TTLL7: variants seen among roughly 807,000 people sequenced by gnomAD.
TTLL7 encodes tubulin polyglutamylase TTLL7.
A neutral mutation model predicts 120.2 loss-of-function variants in TTLL7; 53 were observed. That is an observed-to-expected ratio of 0.44 (90% CI 0.35 to 0.55). TTLL7 has a LOEUF of 0.55. Among genes scored for constraint, TTLL7 ranks in the 20% least tolerant of loss-of-function variants. TTLL7 has a pLI of 0.00. For missense variants in TTLL7, 803 were observed against 1,054.7 expected (o/e 0.76, Z 3.31); for synonymous variants, 353 against 351.7 (o/e 1.00, Z -0.04).
At position 83,940,303 on chromosome 1, in the gene TTLL7, A is replaced by C. The variant is rs560929449; in HGVS notation, c.723+2160T>G. 1.6e-4 allele frequency among the ~76,000 whole-genome samples: 25 copies of C among 152,252 alleles called. No homozygotes were observed. In the East Asian group the frequency reaches 4.0e-3, roughly 25 times the overall value. ...TATAAAAAGATCACTCCCACCTTACATATATATAATCCACTCTTACCCATG... is the reference window on the plus strand; with the variant it reads ...TATAAAAAGATCACTCCCACCTTACCTATATATAATCCACTCTTACCCATG... On this transcript the variant is annotated intron_variant, in intron 7 of 20. Coordinates refer to ENST00000260505, the MANE Select transcript of TTLL7 (RefSeq NM_024686.6).
chr1:83,904,847 AT>A (rs1178113769), intron 17 of TTLL7, among the ~76,000 whole-genome samples: 10 of 152,102 alleles, frequency 6.6e-5, no homozygotes, highest in African/African-American at 2.2e-4. Flanking sequence ...AAACTTCTGA[AT>A]ATATAGTCTT....
rs1419765631 is a variant in TTLL7, at chr1:83,869,608, T to G, written c.*354A>C. ...TAACACTGTAATTGGATCTTCAAGA[T>G]CAATTTGTTTTATATACTCTGCAGC... On this transcript the variant is annotated 3_prime_UTR_variant, in exon 21 of 21. Coordinates refer to ENST00000260505, the MANE Select transcript of TTLL7 (RefSeq NM_024686.6). 2 of 156,618 alleles carry G rather than the reference T, an allele frequency of 1.3e-5. No individual in the cohort carries two copies. The highest frequency in any genetic ancestry group is 6.5e-5 in the Admixed American group (1 of 15,328). The allele number at this position is 156,618 out of a possible 1,614,324, so 9.7% of individuals were successfully genotyped here.
At chr1:83,877,537 ACTTT>A (rs1048426641) in intron 20 of TTLL7, among the ~76,000 whole-genome samples, 44 of 151,930 alleles carry the variant, frequency 2.9e-4, no homozygotes, top group African/African-American at 1.0e-3. Flanking sequence ...ACTATTTAGG[ACTTT>A]CTATTTCTTC....
At chr1:83,906,976 G>A (rs1301465238) in intron 16 of TTLL7, among the ~76,000 whole-genome samples, 1 of 151,740 alleles carries the variant, frequency 6.6e-6, no homozygotes, top group Non-Finnish European at 1.5e-5. Context: ...CAAATCTCTG[G>A]GATTCATGCT....
chr1:83,976,866 G>A (rs116828257), intron 1 of TTLL7, among the ~76,000 whole-genome samples: 6,259 of 150,858 alleles, frequency 0.041, 156 homozygotes, highest in Middle Eastern at 0.099. Flanking sequence ...AATGGTAATG[G>A]AAAAAAATTT....
intron 1 of TTLL7, among the ~76,000 whole-genome samples, chr1:83,985,805 A>G (rs1652388584): frequency 1.3e-5 from 2 of 152,196 alleles, no homozygotes; most frequent in African/African-American, 4.8e-5. Flanking sequence ...GAATTCAACA[A>G]CTTAGCAAAA....
chr1:83,992,921 ACTGTC>A (rs1211255615), intron 1 of TTLL7, among the ~76,000 whole-genome samples: 1 of 150,538 alleles, frequency 6.6e-6, no homozygotes, highest in Admixed American at 6.7e-5. Flanking sequence ...TGCTAAAATT[ACTGTC>A]CTGATTTTCA....
intron 1 of TTLL7, among the ~76,000 whole-genome samples, chr1:83,983,029 G>A (rs914476442): frequency 3.3e-5 from 5 of 151,946 alleles, no homozygotes; most frequent in Non-Finnish European, 5.9e-5. Context: ...TGACAAAGTC[G>A]ACAAAAATAA....
At chr1:83,911,801 G>A (rs1310088493) in intron 14 of TTLL7, among the ~76,000 whole-genome samples, 3 of 151,666 alleles carry the variant, frequency 2.0e-5, no homozygotes, top group African/African-American at 4.8e-5. Context: ...GCATGTGCAC[G>A]TGCAAGTGCA....
intron 18 of TTLL7, among the ~76,000 whole-genome samples, chr1:83,894,715 T>TCAG (rs1390637848): frequency 6.6e-6 from 1 of 152,106 alleles, no homozygotes; most frequent in Admixed American, 6.6e-5. Context: ...GCAGGCATCA[T>TCAG]GGCACCCCAT....
intron 1 of TTLL7, among the ~76,000 whole-genome samples, chr1:83,967,983 C>G (rs557447072): frequency 6.6e-6 from 1 of 151,960 alleles, no homozygotes; most frequent in Non-Finnish European, 1.5e-5. Context: ...GGGGTAAGAA[C>G]AGTCGGGATG....
chr1:83,944,428 C>G (rs1333744468), intron 6 of TTLL7, among the ~76,000 whole-genome samples: 3 of 152,094 alleles, frequency 2.0e-5, no homozygotes, highest in Non-Finnish European at 4.4e-5. Context: ...AAGTTCTGGC[C>G]GGGCACAGTG....
intron 18 of TTLL7, among the ~76,000 whole-genome samples, chr1:83,901,579 A>G (rs1042016744): frequency 2.6e-5 from 4 of 152,024 alleles, no homozygotes; most frequent in African/African-American, 4.8e-5. Flanking sequence ...TAAAAATTCC[A>G]TATTTCCATT....
At chr1:83,949,816 T>A in intron 4 of TTLL7, 49 bp downstream of exon 4, 1 of 1,599,644 alleles carries the variant, frequency 6.3e-7, no homozygotes, top group African/African-American at 1.3e-5. Flanking sequence ...TTATGTGGAA[T>A]CCATATAACT....
At chr1:83,955,331 G>C (rs546938854) in intron 1 of TTLL7, among the ~76,000 whole-genome samples, 8 of 152,102 alleles carry the variant, frequency 5.3e-5, no homozygotes, top group Non-Finnish European at 8.8e-5. Context: ...GTGTGCTATG[G>C]TTTGAATATT....
chr1:83,956,915 C>A (rs559495264), intron 1 of TTLL7, among the ~76,000 whole-genome samples: 3 of 152,002 alleles, frequency 2.0e-5, no homozygotes, highest in Non-Finnish European at 4.4e-5. Flanking sequence ...ATATGTATTA[C>A]CTGTTCAAAA....
chr1:83,896,549 T>C (rs1399180541), intron 18 of TTLL7, among the ~76,000 whole-genome samples: 1 of 152,068 alleles, frequency 6.6e-6, no homozygotes, highest in Non-Finnish European at 1.5e-5. Context: ...GCAGCAGCGA[T>C]GGCTATAGGG....
At chr1:83,915,128 AAAC>A (rs1658025838) in intron 14 of TTLL7, among the ~76,000 whole-genome samples, 1 of 152,206 alleles carries the variant, frequency 6.6e-6, no homozygotes, top group Admixed American at 6.5e-5. Context: ...AAGGAGCCTC[AAAC>A]AACAAGTCAA....
At chr1:83,977,705 G>A (rs1266980858) in intron 1 of TTLL7, among the ~76,000 whole-genome samples, 1 of 152,104 alleles carries the variant, frequency 6.6e-6, no homozygotes. Flanking sequence ...AGAAGGGCTG[G>A]AGGTGGAAAA....
Sources: allele counts gnomAD v4.1 joint callset (sites outside exome capture counted in the v4.1 genomes callset), GRCh38; gene constraint gnomAD v4.1.1; transcripts MANE v1.5; gene names NCBI Gene and HGNC (gene_info 2026-07-23, HGNC 2026-07-21).